CMKLR1: variants seen among roughly 807,000 people sequenced by gnomAD.
CMKLR1 encodes chemerin-like receptor 1.
A neutral mutation model predicts 8.2 loss-of-function variants in CMKLR1; 6 were observed. That is an observed-to-expected ratio of 0.73 (90% CI 0.40 to 1.44). The LOEUF is 1.44. Among genes scored for constraint, CMKLR1 ranks in the 40% most tolerant of loss-of-function variants. CMKLR1 has a pLI of 0.02. For synonymous variants in CMKLR1, 178 were observed against 181.2 expected, an observed-to-expected ratio of 0.98 and a Z score of 0.14; for missense variants, 429 against 478.0, an observed-to-expected ratio of 0.90 and a Z score of 0.96.
intron 2 of CMKLR1, among the ~76,000 whole-genome samples, chr12:108,313,691 A>G (rs1323682872): frequency 6.6e-6 from 1 of 152,242 alleles, no homozygotes; most frequent in African/African-American, 2.4e-5. Flanking sequence ...TATGAACATG[A>G]AGAGACTGGC....
At chr12:108,311,465 A>C (rs1343008955) in intron 2 of CMKLR1, among the ~76,000 whole-genome samples, 1 of 152,112 alleles carries the variant, frequency 6.6e-6, no homozygotes, top group Non-Finnish European at 1.5e-5. Flanking sequence ...AAAAAATTTT[A>C]ATTTAAAAAT....
chr12:108,312,442 C>T (rs1367050374), intron 2 of CMKLR1, among the ~76,000 whole-genome samples: 3 of 152,212 alleles, frequency 2.0e-5, no homozygotes, highest in Non-Finnish European at 4.4e-5. Context: ...CACTGCCTGT[C>T]ACAGGGTCCT....
chr12:108,295,630 G>C (rs1891113814), intron 2 of CMKLR1, among the ~76,000 whole-genome samples: 1 of 152,222 alleles, frequency 6.6e-6, no homozygotes. Flanking sequence ...CATCTGAGTT[G>C]AGTTTTAAGG....
intron 2 of CMKLR1, among the ~76,000 whole-genome samples, chr12:108,328,165 T>A (rs1241421333): frequency 6.6e-6 from 1 of 152,122 alleles, no homozygotes; most frequent in Non-Finnish European, 1.5e-5. Flanking sequence ...CCGGGAGAAG[T>A]GAGGCCAGCA....
At chr12:108,329,836 T>C (rs1043633593) in intron 2 of CMKLR1, among the ~76,000 whole-genome samples, 159 bp downstream of exon 2, 15 of 152,222 alleles carry the variant, frequency 9.9e-5, no homozygotes, top group Admixed American at 2.6e-4. Context: ...CAAATCCTTT[T>C]TGAGTTTCAG....
chr12:108,312,943 G>A (rs1308754238), intron 2 of CMKLR1, among the ~76,000 whole-genome samples: 1 of 152,128 alleles, frequency 6.6e-6, no homozygotes, highest in Non-Finnish European at 1.5e-5. Context: ...GCCACATGGA[G>A]CTTTGAAAAA....
In CMKLR1 at chr12:108,306,041, C is replaced by T. The variant is rs79314986; in HGVS notation, c.-73-12377G>A. Among the ~76,000 whole-genome samples the T allele has an allele frequency of 1.8e-4, 27 of 152,324 alleles. No homozygotes were observed. The East Asian group carries it at 3.9e-3, about 22-fold the overall frequency. ...AACACTACTCCTTGAGCCTTAAAAG[C>T]GTTTCCTTCCTCTCCGGGGATCTCT... On this transcript the variant is annotated intron_variant, in intron 2 of 3. Coordinates refer to ENST00000550402, the MANE Select transcript of CMKLR1 (RefSeq NM_001142343.2).
At chr12:108,328,979 C>A (rs1384192048) in intron 2 of CMKLR1, among the ~76,000 whole-genome samples, 1 of 152,150 alleles carries the variant, frequency 6.6e-6, no homozygotes, top group Non-Finnish European at 1.5e-5. Context: ...GGAGGGGGAC[C>A]CACCATTCAA....
intron 2 of CMKLR1, among the ~76,000 whole-genome samples, chr12:108,322,180 G>C (rs1891878021): frequency 6.6e-6 from 1 of 152,202 alleles, no homozygotes; most frequent in Non-Finnish European, 1.5e-5. Flanking sequence ...GGGCTAGGAT[G>C]TTAATTCTGA....
rs1359808548 is a variant in CMKLR1, at chr12:108,293,577, A to G, written c.3+12T>C. The G allele has an allele frequency of 1.3e-6, 2 of 1,551,708 alleles. No homozygotes were observed. The highest frequency in any genetic ancestry group is 1.2e-5 in the South Asian group (1 of 84,020). On this transcript the variant is annotated intron_variant, in intron 3 of 3. Coordinates refer to ENST00000550402, the MANE Select transcript of CMKLR1 (RefSeq NM_001142343.2). ...GGTGCCCTTTGGAGTTCAGACCACA[A>G]GACTTCCTCACCATTCACCGTTATG...
chr12:108,295,811 C>CA (rs1891118993), intron 2 of CMKLR1, among the ~76,000 whole-genome samples: 1 of 152,346 alleles, frequency 6.6e-6, no homozygotes, highest in East Asian at 1.9e-4. Context: ...ACAGCATCTG[C>CA]AGAGATGCAG....
intron 2 of CMKLR1, among the ~76,000 whole-genome samples, chr12:108,311,015 G>A (rs1371152136): frequency 4.0e-5 from 6 of 151,374 alleles, no homozygotes; most frequent in South Asian, 2.1e-4. Context: ...AGTCTCTGGG[G>A]TCTGGTGCTG....
At position 108,325,661 on chromosome 12, in the gene CMKLR1, T is replaced by G. The variant is rs559271712; in HGVS notation, c.-74+4334A>C. Among the ~76,000 whole-genome samples, 120 of 152,178 alleles carry G rather than the reference T, an allele frequency of 7.9e-4. 3 individuals are homozygous for G. The South Asian group carries it at 0.018, about 23-fold the overall frequency. On this transcript the variant is annotated intron_variant, in intron 2 of 3. Transcript: ENST00000550402. Reference sequence around the variant, plus strand: ...ATCATCCTTACACCCATTTTACAGATGAGGAAACTGAGGCAATCAAGCAAG... The same window carrying G: ...ATCATCCTTACACCCATTTTACAGAGGAGGAAACTGAGGCAATCAAGCAAG...
At chr12:108,311,540 C>T (rs924546760) in intron 2 of CMKLR1, among the ~76,000 whole-genome samples, 18 of 152,176 alleles carry the variant, frequency 1.2e-4, no homozygotes, top group African/African-American at 4.3e-4. Flanking sequence ...GTGGGAGGCT[C>T]GCTTGAGCCC....
intron 2 of CMKLR1, among the ~76,000 whole-genome samples, chr12:108,322,607 C>A (rs548997184): frequency 3.3e-5 from 5 of 152,010 alleles, no homozygotes; most frequent in Non-Finnish European, 2.9e-5. Context: ...TTCCCCTAGC[C>A]CTGGGCTTAC....
intron 2 of CMKLR1, among the ~76,000 whole-genome samples, chr12:108,325,928 C>G (rs776793004): frequency 1.3e-5 from 2 of 152,240 alleles, no homozygotes; most frequent in Admixed American, 1.3e-4. Flanking sequence ...TCATCCAGGG[C>G]ACAGGACATG....
intron 2 of CMKLR1, among the ~76,000 whole-genome samples, chr12:108,316,979 A>G (rs1891750826): frequency 6.6e-6 from 1 of 151,434 alleles, no homozygotes. Flanking sequence ...TTTTTTTTGT[A>G]TTTTGTAGAG....
intron 2 of CMKLR1, among the ~76,000 whole-genome samples, chr12:108,294,897 T>C (rs1891090894): frequency 6.6e-6 from 1 of 152,236 alleles, no homozygotes; most frequent in South Asian, 2.1e-4. Flanking sequence ...TAAGGTTATA[T>C]TTTATTACAT....
rs1012705164 is a variant in CMKLR1 at position 108,290,601 on chromosome 12, T to G, written c.*1240A>C. On this transcript the variant is annotated 3_prime_UTR_variant, in exon 4 of 4. Coordinates refer to ENST00000550402, the MANE Select transcript of CMKLR1 (RefSeq NM_001142343.2). ...GCTGTGTGATGCTGGGCAAGTTACT[T>G]TCCCCATCTGGGCCTCAGCTATGTC... 4.6e-5 allele frequency: 7 copies of G among 152,334 alleles called. No homozygotes were observed. The highest frequency in any genetic ancestry group is 1.7e-4 in the African/African-American group (7 of 41,578). The allele number at this position is 152,334 out of a possible 1,614,324, so 9.4% of individuals were successfully genotyped here.
Sources: gnomAD v4.1 joint callset for allele counts (sites outside exome capture counted in the v4.1 genomes callset) on GRCh38, gnomAD v4.1.1 for gene constraint, MANE v1.5 for transcripts, NCBI Gene and HGNC (gene_info 2026-07-23, HGNC 2026-07-21) for gene names.